Variants in FAAH2 observed in about 807,000 individuals in gnomAD.
FAAH2 encodes fatty acid amide hydrolase 2, also known as fatty-acid amide hydrolase 2.
A neutral mutation model predicts 36.9 loss-of-function variants in FAAH2; 60 were observed. The observed-to-expected ratio is 1.63, with a 90% CI of 1.32 to 2.02. The LOEUF (loss-of-function observed/expected upper bound fraction) is 2.02. Ranked by LOEUF, FAAH2 falls within the 30% of genes most tolerant of loss-of-function variation. FAAH2 has a pLI of 0.00. For synonymous variants in FAAH2, 214 were observed against 143.8 expected, an observed-to-expected ratio of 1.49 and a Z score of -3.49; for missense variants, 689 against 397.5, an observed-to-expected ratio of 1.73 and a Z score of -6.23.
At chrX:57,481,376 A>G (rs1200054780) in intron 10 of FAAH2, among the ~76,000 whole-genome samples, 1 of 110,907 alleles carries the variant, frequency 9.0e-6, no homozygotes, top group African/African-American at 3.3e-5. Context: ...ATCTTCATGT[A>G]TTTATTTACC....
At chrX:57,486,212 T>A (rs1001375085) in intron 10 of FAAH2, among the ~76,000 whole-genome samples, 5 of 111,954 alleles carry the variant, frequency 4.5e-5, no homozygotes, top group Admixed American at 3.8e-4. Context: ...CTGGGGTTAC[T>A]GTTCAGCCAC....
At chrX:57,349,550 T>C (rs1271866107) in intron 5 of FAAH2, among the ~76,000 whole-genome samples, 1 of 103,669 alleles carries the variant, frequency 9.6e-6, no homozygotes, top group African/African-American at 3.5e-5. Flanking sequence ...TTAAATGTTT[T>C]ATATATATAT....
rs867074519 is a variant in FAAH2, at chrX:57,306,887, A to G, written c.276-3706A>G. On this transcript the variant is annotated intron_variant, in intron 2 of 10. Coordinates refer to ENST00000374900, the MANE Select transcript of FAAH2 (RefSeq NM_174912.4). ...TACACACTATATATACACTATATAT[A>G]CACCATATATACATATATAGTACTA... is the stretch of plus-strand genomic sequence containing the variant. Among the ~76,000 whole-genome samples the G allele has an allele frequency of 5.6e-5, 5 of 89,019 alleles. No homozygotes were observed. In the Middle Eastern group the frequency reaches 0.016, roughly 292 times the overall value. The allele number at this position is 89,019 out of a possible 115,157, so 77.3% of individuals were successfully genotyped here. A position where few individuals can be genotyped will look rare whatever the true frequency, so the allele number is the denominator to read the frequency against.
At chrX:57,152,273 A>G in the FAAH2 span, among the ~76,000 whole-genome samples, 2 of 112,253 alleles carry the variant, frequency 1.8e-5, no homozygotes, top group East Asian at 5.6e-4. Flanking sequence ...GCGTGCTGGG[A>G]GAACCACTAC....
At chrX:57,411,359 A>G (rs1354604318) in intron 7 of FAAH2, among the ~76,000 whole-genome samples, 1 of 111,608 alleles carries the variant, frequency 9.0e-6, no homozygotes, top group Non-Finnish European at 1.9e-5. Flanking sequence ...TGAGATCCAT[A>G]TGCTATTTAT....
chrX:57,442,445 T>G (rs1313387497), intron 8 of FAAH2, among the ~76,000 whole-genome samples: 2 of 111,545 alleles, frequency 1.8e-5, no homozygotes. Flanking sequence ...TGCTTTTTTT[T>G]GTTTTCCATT....
chrX:57,320,251 C>T (rs4500204), intron 3 of FAAH2, among the ~76,000 whole-genome samples: 40,160 of 110,487 alleles, frequency 0.36, 6,224 homozygotes, highest in Middle Eastern at 0.61. Flanking sequence ...AATGGGAGAA[C>T]ATTTTTGTGA....
chrX:57,405,287 G>A (rs1227831372), intron 7 of FAAH2, among the ~76,000 whole-genome samples: 1 of 111,221 alleles, frequency 9.0e-6, no homozygotes. Flanking sequence ...CTCTGACCTG[G>A]GGTTCTTGGC....
intron 2 of FAAH2, among the ~76,000 whole-genome samples, chrX:57,304,175 C>G (rs757311225): frequency 8.9e-6 from 1 of 111,764 alleles, no homozygotes; most frequent in African/African-American, 3.3e-5. Context: ...CCACTGCACT[C>G]CAGCCTGGCC....
the FAAH2 span, among the ~76,000 whole-genome samples, chrX:57,246,455 T>C: frequency 1.8e-5 from 2 of 111,518 alleles, no homozygotes; most frequent in African/African-American, 6.5e-5. Context: ...CCCTGAGGAA[T>C]ATGTGAAAAT....
intron 7 of FAAH2, chrX:57,394,850 G>A: frequency 2.8e-6 from 3 of 1,090,179 alleles, no homozygotes; most frequent in Admixed American, 2.2e-5. Context: ...GGTCACTGTG[G>A]CATTGTTCCA....
At chrX:57,408,280 T>C (rs990475603) in intron 7 of FAAH2, among the ~76,000 whole-genome samples, 1 of 111,025 alleles carries the variant, frequency 9.0e-6, no homozygotes, top group East Asian at 2.8e-4. Context: ...AATTTTCCAA[T>C]CTGTGAACAT....
chrX:57,425,979 A>G (rs986255398), intron 7 of FAAH2, among the ~76,000 whole-genome samples: 4 of 112,238 alleles, frequency 3.6e-5, no homozygotes, highest in Non-Finnish European at 5.7e-5. Context: ...ACAATTATAG[A>G]CTGAAGGTAA....
chrX:57,395,012 G>A (rs1393278654), intron 7 of FAAH2: 5 of 561,746 alleles, frequency 8.9e-6, no homozygotes, highest in Non-Finnish European at 1.6e-5. Context: ...GTCACCTCTA[G>A]CAAGTTTCCC....
chrX:57,471,371 T>A (rs1332268255), intron 10 of FAAH2, among the ~76,000 whole-genome samples: 2 of 112,180 alleles, frequency 1.8e-5, no homozygotes, highest in African/African-American at 6.5e-5. Flanking sequence ...CAAAATCTCC[T>A]TAAGCTGATA....
intron 7 of FAAH2, among the ~76,000 whole-genome samples, chrX:57,411,582 C>A (rs1281505252): frequency 9.0e-6 from 1 of 111,704 alleles, no homozygotes; most frequent in African/African-American, 3.3e-5. Context: ...GTTTCCTCTC[C>A]TTTTCACTGC....
the FAAH2 span, among the ~76,000 whole-genome samples, chrX:57,157,881 G>C: frequency 9.2e-6 from 1 of 109,052 alleles, no homozygotes; most frequent in Non-Finnish European, 1.9e-5. Flanking sequence ...TAAGTTTTAG[G>C]GTACATGTGC....
At chrX:57,386,502 A>T (rs1178737822) in intron 7 of FAAH2, among the ~76,000 whole-genome samples, 1 of 111,407 alleles carries the variant, frequency 9.0e-6, no homozygotes, top group Non-Finnish European at 1.9e-5. Context: ...AGGAGGAAAA[A>T]AGTAAGTGAA....
chrX:57,155,149 T>C, the FAAH2 span, among the ~76,000 whole-genome samples: 1 of 112,149 alleles, frequency 8.9e-6, no homozygotes, highest in East Asian at 2.8e-4. Context: ...ACTGGTTTTG[T>C]GCTGGTTGGC....
Sources: allele counts gnomAD v4.1 joint callset (sites outside exome capture counted in the v4.1 genomes callset), GRCh38; gene constraint gnomAD v4.1.1; transcripts MANE v1.5; gene names NCBI Gene and HGNC (gene_info 2026-07-23, HGNC 2026-07-21).